Variants in COPG2 observed in about 807,000 individuals in gnomAD.
COPG2 encodes coatomer subunit gamma-2.
In COPG2, 37 loss-of-function variants were observed where a neutral mutation model predicts 46.3. The ratio of observed to expected loss-of-function variants is 0.80; its 90% CI spans 0.61 to 1.05. The LOEUF is 1.05. Among genes scored for constraint, COPG2 ranks in the 50% least tolerant of loss-of-function variants. COPG2 has a pLI of 0.00. For missense variants in COPG2, 427 were observed against 387.8 expected, an observed-to-expected ratio of 1.10 and a Z score of -0.85; for synonymous variants, 159 against 129.7, an observed-to-expected ratio of 1.23 and a Z score of -1.53.
At chr7:130,667,868 G>A (rs191862192) in intron 1 of COPG2, among the ~76,000 whole-genome samples, 5 of 152,122 alleles carry the variant, frequency 3.3e-5, no homozygotes, top group African/African-American at 9.7e-5. Flanking sequence ...ATTTCCTTAG[G>A]TAAGCAGTAT....
chr7:130,537,942 A>G (rs1009924605), intron 20 of COPG2, among the ~76,000 whole-genome samples: 4 of 152,262 alleles, frequency 2.6e-5, no homozygotes, highest in Admixed American at 2.6e-4. Flanking sequence ...GAGACGATGA[A>G]AGGCCAGAGG....
rs782487922 is a variant in COPG2, at chr7:130,668,695, C to A, written c.-27G>T. The A allele has an allele frequency of 6.6e-6, 10 of 1,521,738 alleles. No homozygotes were observed. The highest frequency in any genetic ancestry group is 6.2e-5 in the Admixed American group (3 of 48,046). The allele number at this position is 1,521,738 out of a possible 1,614,324, so 94.3% of individuals were successfully genotyped here. ...TTGGACGACTTCCCAGCGCCCAGACCCACCGCAACCGTCCCAGGCGCCGCA... is the reference window on the plus strand; with the variant it reads ...TTGGACGACTTCCCAGCGCCCAGACACACCGCAACCGTCCCAGGCGCCGCA... On this transcript the variant is annotated 5_prime_UTR_variant, in exon 1 of 24. Coordinates refer to ENST00000425248, the MANE Select transcript of COPG2 (RefSeq NM_012133.6).
chr7:130,578,577 G>A (rs1441253273), intron 9 of COPG2, among the ~76,000 whole-genome samples: 1 of 150,830 alleles, frequency 6.6e-6, no homozygotes. Context: ...TCAAACCAAA[G>A]GCAAAGAAGT....
rs964846098 is a variant in COPG2 at position 130,566,463 on chromosome 7, A to G, written c.738-2070T>C. Among the ~76,000 whole-genome samples, 20 of 152,352 alleles carry G rather than the reference A, an allele frequency of 1.3e-4. No homozygotes were observed. The East Asian group carries it at 3.5e-3, about 26-fold the overall frequency. ...CATTCAATCCAGCAATCCCATTACT[A>G]AATACGAACCCGAAGGAATATGAAT... On this transcript the variant is annotated intron_variant, in intron 9 of 23. Coordinates refer to ENST00000425248, the MANE Select transcript of COPG2 (RefSeq NM_012133.6).
intron 3 of COPG2, among the ~76,000 whole-genome samples, chr7:130,664,737 CA>C (rs1409132067): frequency 6.6e-6 from 1 of 152,184 alleles, no homozygotes; most frequent in East Asian, 1.9e-4. Context: ...TTTGACTATT[CA>C]AAACTTTTGT....
chr7:130,590,390 C>A lies in COPG2; in HGVS notation c.737+20563G>T, dbSNP rs576381464. The stretch of plus-strand genomic sequence containing the variant: ...CCTGCCTCAGCCTGCCGAGTGCCTG[C>A]GACTGCAGGTGCGCGCCGCCACGCC... On this transcript the variant is annotated intron_variant, in intron 9 of 23. Transcript: ENST00000425248. Among the ~76,000 whole-genome samples, 8 of 152,350 alleles carry A rather than the reference C, an allele frequency of 5.3e-5. No homozygotes were observed. The South Asian group carries it at 1.4e-3, about 28-fold the overall frequency.
intron 20 of COPG2, among the ~76,000 whole-genome samples, chr7:130,519,761 T>C (rs1218023920): frequency 1.3e-5 from 2 of 152,202 alleles, no homozygotes; most frequent in Admixed American, 1.3e-4. Flanking sequence ...AATGGGACGT[T>C]GTATGAATTA....
chr7:130,656,929 T>G (rs1004561770), intron 4 of COPG2, among the ~76,000 whole-genome samples: 1 of 150,650 alleles, frequency 6.6e-6, no homozygotes, highest in Non-Finnish European at 1.5e-5. Flanking sequence ...CATTTTTATA[T>G]CTATATAAAA....
chr7:130,668,615 G>A lies in COPG2; in HGVS notation c.37+17C>T. 1 of 1,523,886 alleles carries A rather than the reference G, an allele frequency of 6.6e-7. No individual in the cohort carries two copies. The highest frequency in any genetic ancestry group is 2.0e-5 in the Admixed American group (1 of 49,068). The allele number at this position is 1,523,886 out of a possible 1,614,324, so 94.4% of individuals were successfully genotyped here. On this transcript the variant is annotated intron_variant, in intron 1 of 23. Coordinates refer to ENST00000425248, the MANE Select transcript of COPG2 (RefSeq NM_012133.6). Reference sequence around the variant, plus strand: ...CGTCCCGCGGCTGAGGGTGGGCCTCGGAAGCCCCGCGCGTACCAGACTCCT... The same window carrying A: ...CGTCCCGCGGCTGAGGGTGGGCCTCAGAAGCCCCGCGCGTACCAGACTCCT...
chr7:130,587,043 A>G (rs887469827), intron 9 of COPG2, among the ~76,000 whole-genome samples: 1 of 149,576 alleles, frequency 6.7e-6, no homozygotes, highest in Non-Finnish European at 1.5e-5. Context: ...GTGGTGGCTC[A>G]CGCTTGTAAT....
intron 9 of COPG2, among the ~76,000 whole-genome samples, chr7:130,586,530 T>G (rs782464165): frequency 2.0e-5 from 3 of 152,028 alleles, no homozygotes; most frequent in African/African-American, 4.8e-5. Flanking sequence ...TGGCGCTATC[T>G]CGGCTCACTG....
chr7:130,662,828 AATATTT>A, intron 4 of COPG2, 133 bp downstream of exon 4: 1 of 639,718 alleles, frequency 1.6e-6, no homozygotes, highest in African/African-American at 1.9e-5. Context: ...TCTTATAATG[AATATTT>A]ATAAGTTTTA....
chr7:130,511,605 C>G (rs1799595688), intron 20 of COPG2: 1 of 518,890 alleles, frequency 1.9e-6, no homozygotes, highest in South Asian at 1.4e-5. Flanking sequence ...AGGAATGACA[C>G]ACATCAACAG....
intron 9 of COPG2, among the ~76,000 whole-genome samples, chr7:130,574,123 G>C (rs1309154102): frequency 6.6e-6 from 1 of 152,166 alleles, no homozygotes; most frequent in Non-Finnish European, 1.5e-5. Flanking sequence ...AAAAAACCAA[G>C]TGCCCATCAA....
rs568891363 is a variant in COPG2, at chr7:130,660,522, CT to C, written c.243+2444del. 3.3e-5 allele frequency among the ~76,000 whole-genome samples: 5 copies of C among 152,258 alleles called. No individual in the cohort carries two copies. In the South Asian group the frequency reaches 1.0e-3, roughly 32 times the overall value. On this transcript the variant is annotated intron_variant, in intron 4 of 23. Coordinates refer to ENST00000425248, the MANE Select transcript of COPG2 (RefSeq NM_012133.6). ...GGCCTACAGGTGGGGAAGCTTATGC[CT>C]TTATACTATGTCACCTGCTACCATT... is the stretch of plus-strand genomic sequence containing the variant.
At chr7:130,598,267 G>T (rs1290162965) in intron 9 of COPG2, among the ~76,000 whole-genome samples, 1 of 152,164 alleles carries the variant, frequency 6.6e-6, no homozygotes, top group Non-Finnish European at 1.5e-5. Context: ...CAGGGCTTTA[G>T]GGATAGCCCT....
chr7:130,635,464 T>A (rs150031052), intron 5 of COPG2, among the ~76,000 whole-genome samples: 1 of 152,184 alleles, frequency 6.6e-6, no homozygotes, highest in African/African-American at 2.4e-5. Context: ...CAGGAATTTA[T>A]CCATTTCTTC....
chr7:130,557,502 G>C (rs1396441920), intron 12 of COPG2, among the ~76,000 whole-genome samples: 1 of 152,024 alleles, frequency 6.6e-6, no homozygotes, highest in Non-Finnish European at 1.5e-5. Context: ...TGATACTAAA[G>C]TTCATTAGAA....
intron 20 of COPG2, among the ~76,000 whole-genome samples, chr7:130,528,901 G>A (rs1166810408): frequency 3.9e-5 from 6 of 152,084 alleles, no homozygotes; most frequent in South Asian, 2.1e-4. Flanking sequence ...AGTGTGTGAC[G>A]CAGTTCATGG....
Sources: gnomAD v4.1 joint callset for allele counts (sites outside exome capture counted in the v4.1 genomes callset) on GRCh38, gnomAD v4.1.1 for gene constraint, MANE v1.5 for transcripts, NCBI Gene and HGNC (gene_info 2026-07-23, HGNC 2026-07-21) for gene names.